ADCY8: variants seen among roughly 807,000 people sequenced by gnomAD.
ADCY8 encodes adenylate cyclase type 8.
A neutral mutation model predicts 119.7 loss-of-function variants in ADCY8; 51 were observed. The ratio of observed to expected loss-of-function variants is 0.43; its 90% CI spans 0.34 to 0.54. ADCY8 has a LOEUF of 0.54. Ranked by LOEUF, ADCY8 falls within the 20% of genes least tolerant of loss-of-function variation. The pLI is 0.03. For missense variants in ADCY8, 1,383 were observed against 1,598.8 expected, an observed-to-expected ratio of 0.87 and a Z score of 2.30; for synonymous variants, 665 against 651.0, an observed-to-expected ratio of 1.02 and a Z score of -0.33.
chr8:130,970,375 T>C (rs756454372), intron 2 of ADCY8, among the ~76,000 whole-genome samples: 3 of 152,142 alleles, frequency 2.0e-5, no homozygotes, highest in Non-Finnish European at 4.4e-5. Flanking sequence ...AGGGTGTAGG[T>C]TGCGTGCTTC....
rs143051791 is a variant in ADCY8 at position 130,973,839 on chromosome 8, C to G, written c.1110+16554G>C. Among the ~76,000 whole-genome samples the G allele has an allele frequency of 6.6e-5, 10 of 152,194 alleles. No individual in the cohort carries two copies. The East Asian group carries it at 1.7e-3, about 26-fold the overall frequency. On this transcript the variant is annotated intron_variant, in intron 2 of 17. Coordinates refer to ENST00000286355, the MANE Select transcript of ADCY8 (RefSeq NM_001115.3). ...TGGAGCAAAAAAGCATATTTTATAGCTAAGAAAATAAATCCAGAGAGATAC... is the reference window on the plus strand; with the variant it reads ...TGGAGCAAAAAAGCATATTTTATAGGTAAGAAAATAAATCCAGAGAGATAC...
intron 1 of ADCY8, among the ~76,000 whole-genome samples, chr8:131,000,688 G>A (rs538797612): frequency 2.8e-4 from 42 of 152,208 alleles, no homozygotes; most frequent in Middle Eastern, 6.8e-3. Context: ...TATAACAGCT[G>A]TGCTCACCAA....
intron 9 of ADCY8, among the ~76,000 whole-genome samples, chr8:130,851,911 TG>T (rs1683016818): frequency 1.3e-5 from 2 of 152,246 alleles, no homozygotes; most frequent in South Asian, 4.2e-4. Flanking sequence ...GTCCAGGCAG[TG>T]AGGGACAATT....
Position 130,958,147 on chromosome 8 carries a change from C to T in ADCY8, c.1111-6149G>A, listed in dbSNP as rs78392143. ...TGTGGGAAAAGTGATGCTTAGTGAG[C>T]AACATAATCCCTTGGGAGGACCCAG... On this transcript the variant is annotated intron_variant, in intron 2 of 17. Transcript: ENST00000286355. Among the ~76,000 whole-genome samples, 599 of 152,240 alleles carry T rather than the reference C, an allele frequency of 3.9e-3. 3 individuals are homozygous for T. The highest frequency in any genetic ancestry group is 0.014 in the African/African-American group (579 of 41,542).
chr8:130,911,073 C>T (rs1259189258), intron 5 of ADCY8, among the ~76,000 whole-genome samples: 1 of 151,938 alleles, frequency 6.6e-6, no homozygotes, highest in Non-Finnish European at 1.5e-5. Flanking sequence ...GATAATAAGT[C>T]GCCATTAATA....
At chr8:130,976,763 C>T (rs1822084298) in intron 2 of ADCY8, among the ~76,000 whole-genome samples, 1 of 152,070 alleles carries the variant, frequency 6.6e-6, no homozygotes, top group African/African-American at 2.4e-5. Context: ...AAATAAGAAG[C>T]CCTTTGCTTG....
intron 8 of ADCY8, among the ~76,000 whole-genome samples, chr8:130,873,937 A>G (rs921813308): frequency 3.9e-5 from 6 of 152,172 alleles, no homozygotes; most frequent in African/African-American, 1.4e-4. Flanking sequence ...GCATTAGTGG[A>G]TGAAGAAATT....
intron 1 of ADCY8, among the ~76,000 whole-genome samples, chr8:130,998,003 C>T (rs904826698): frequency 2.0e-5 from 3 of 152,126 alleles, no homozygotes; most frequent in Non-Finnish European, 4.4e-5. Flanking sequence ...CTTCCTAACC[C>T]CTCACTTCTA....
At chr8:130,801,536 C>T (rs1298773309) in intron 14 of ADCY8, among the ~76,000 whole-genome samples, 1 of 152,212 alleles carries the variant, frequency 6.6e-6, no homozygotes, top group East Asian at 1.9e-4. Context: ...TCTCCCTGCT[C>T]CTCCTCATCT....
At chr8:130,897,444 ATTG>A (rs1819433044) in intron 7 of ADCY8, among the ~76,000 whole-genome samples, 1 of 151,844 alleles carries the variant, frequency 6.6e-6, no homozygotes. Flanking sequence ...ACTAAATCAA[ATTG>A]TTGTTTGTTT....
intron 1 of ADCY8, among the ~76,000 whole-genome samples, chr8:131,009,160 A>T (rs1411060604): frequency 3.9e-5 from 6 of 152,194 alleles, no homozygotes; most frequent in African/African-American, 7.2e-5. Flanking sequence ...CAATGGGGAA[A>T]ATGTCTGCAG....
intron 14 of ADCY8, among the ~76,000 whole-genome samples, chr8:130,813,519 G>T (rs559190173): frequency 2.0e-5 from 3 of 152,068 alleles, no homozygotes; most frequent in African/African-American, 7.2e-5. Flanking sequence ...TTTACTTAGC[G>T]TAATGTATTC....
At chr8:130,893,687 T>C (rs1050425226) in intron 7 of ADCY8, among the ~76,000 whole-genome samples, 3 of 147,728 alleles carry the variant, frequency 2.0e-5, no homozygotes, top group African/African-American at 5.0e-5. Context: ...TGTGTGTGTG[T>C]GTGCATGTTT....
intron 1 of ADCY8, among the ~76,000 whole-genome samples, chr8:131,018,736 A>G (rs1304588022): frequency 1.3e-5 from 2 of 152,246 alleles, no homozygotes; most frequent in African/African-American, 4.8e-5. Context: ...TTGCCAGGTC[A>G]TACAGCTAAT....
At position 130,783,180 on chromosome 8, in the gene ADCY8, G is replaced by A. The variant is rs567684803; in HGVS notation, c.3268+511C>T. 3.1e-3 allele frequency among the ~76,000 whole-genome samples: 465 copies of A among 152,266 alleles called. 3 individuals carry two copies. Among genetic ancestry groups the A allele is most frequent in the Middle Eastern group, 0.017 (5 of 294 alleles). ...TTAATGTTACGTTGTTGCTTTGTGCGGTGATGTCTTTAAGCCCAAAGAAAT... is the reference window on the plus strand; with the variant it reads ...TTAATGTTACGTTGTTGCTTTGTGCAGTGATGTCTTTAAGCCCAAAGAAAT... On this transcript the variant is annotated intron_variant, in intron 17 of 17. Coordinates refer to ENST00000286355, the MANE Select transcript of ADCY8 (RefSeq NM_001115.3).
chr8:130,831,787 G>A (rs570748803), intron 12 of ADCY8, among the ~76,000 whole-genome samples: 1 of 152,340 alleles, frequency 6.6e-6, no homozygotes, highest in African/African-American at 2.4e-5. Flanking sequence ...TGAGAGTGGA[G>A]TTTAAGAGAT....
intron 9 of ADCY8, among the ~76,000 whole-genome samples, chr8:130,861,032 G>A (rs1353840606): frequency 6.6e-6 from 1 of 152,204 alleles, no homozygotes; most frequent in Non-Finnish European, 1.5e-5. Context: ...TTGTGTGGGT[G>A]TATTTTGGGG....
intron 15 of ADCY8, among the ~76,000 whole-genome samples, chr8:130,792,799 G>C (rs1815463689): frequency 6.6e-6 from 1 of 152,070 alleles, no homozygotes; most frequent in Non-Finnish European, 1.5e-5. Context: ...TCAAAGTTAC[G>C]TTACATCCCT....
At chr8:130,913,233 A>G (rs1820031867) in intron 5 of ADCY8, among the ~76,000 whole-genome samples, 1 of 152,138 alleles carries the variant, frequency 6.6e-6, no homozygotes, top group Non-Finnish European at 1.5e-5. Context: ...AAAATGTACA[A>G]TCAAGTTATT....
Sources: allele counts gnomAD v4.1 joint callset (sites outside exome capture counted in the v4.1 genomes callset), GRCh38; gene constraint gnomAD v4.1.1; transcripts MANE v1.5; gene names NCBI Gene and HGNC (gene_info 2026-07-23, HGNC 2026-07-21).